Variants in LMX1A observed in about 807,000 individuals in gnomAD.
LMX1A encodes the protein LIM homeobox transcription factor 1 alpha.
In LMX1A, 15 loss-of-function variants were observed where a neutral mutation model predicts 49.1. That is an observed-to-expected ratio of 0.31 (90% CI 0.20 to 0.47). LMX1A has a LOEUF of 0.47. Ranked by LOEUF, LMX1A falls within the 20% of genes least tolerant of loss-of-function variation. LMX1A has a pLI of 1.00. For missense variants in LMX1A, 372 were observed against 475.8 expected, an observed-to-expected ratio of 0.78 and a Z score of 2.03; for synonymous variants, 167 against 185.7, an observed-to-expected ratio of 0.90 and a Z score of 0.82.
intron 3 of LMX1A, among the ~76,000 whole-genome samples, chr1:165,290,498 C>T (rs368814931): frequency 2.6e-5 from 4 of 151,936 alleles, no homozygotes; most frequent in Admixed American, 1.3e-4. Context: ...AAAACCCTTG[C>T]GATAGCATTT....
At chr1:165,206,388 T>C (rs1267104235) in intron 7 of LMX1A, among the ~76,000 whole-genome samples, 2 of 152,196 alleles carry the variant, frequency 1.3e-5, no homozygotes, top group African/African-American at 2.4e-5. Flanking sequence ...ATTGGGTTGA[T>C]GGGAAGATTC....
intron 4 of LMX1A, among the ~76,000 whole-genome samples, chr1:165,245,733 A>G (rs1341186238): frequency 6.6e-6 from 1 of 152,024 alleles, no homozygotes; most frequent in African/African-American, 2.4e-5. Flanking sequence ...ATTGCCCACT[A>G]TAACCCCATG....
intron 3 of LMX1A, among the ~76,000 whole-genome samples, chr1:165,315,615 T>C (rs1021829069): frequency 6.6e-6 from 1 of 152,276 alleles, no homozygotes; most frequent in African/African-American, 2.4e-5. Flanking sequence ...CTTGTCACCC[T>C]GACTCCTTGT....
At chr1:165,342,872 A>G (rs1164178981) in intron 3 of LMX1A, among the ~76,000 whole-genome samples, 1 of 151,882 alleles carries the variant, frequency 6.6e-6, no homozygotes, top group Non-Finnish European at 1.5e-5. Flanking sequence ...TTTAGTGGAA[A>G]GGCCATTGGA....
At chr1:165,321,953 A>C (rs1655399459) in intron 3 of LMX1A, among the ~76,000 whole-genome samples, 1 of 152,122 alleles carries the variant, frequency 6.6e-6, no homozygotes. Flanking sequence ...TAATATCCGG[A>C]ATATATAGAG....
At chr1:165,235,981 CT>C (rs1652420166) in intron 4 of LMX1A, among the ~76,000 whole-genome samples, 1 of 152,230 alleles carries the variant, frequency 6.6e-6, no homozygotes, top group Admixed American at 6.5e-5. Context: ...GCTTCAGGCA[CT>C]TTGCGCTCCA....
intron 3 of LMX1A, among the ~76,000 whole-genome samples, chr1:165,292,878 G>A (rs1654516035): frequency 1.3e-5 from 2 of 152,238 alleles, no homozygotes; most frequent in Non-Finnish European, 2.9e-5. Context: ...CAGCACTTTG[G>A]GAAGCTGAGG....
At chr1:165,321,345 T>C (rs1655379445) in intron 3 of LMX1A, among the ~76,000 whole-genome samples, 5 of 152,176 alleles carry the variant, frequency 3.3e-5, no homozygotes, top group Admixed American at 2.6e-4. Context: ...CACAACTCTG[T>C]GAACATACTA....
chr1:165,292,375 G>C (rs1654500657), intron 3 of LMX1A, among the ~76,000 whole-genome samples: 1 of 152,208 alleles, frequency 6.6e-6, no homozygotes, highest in South Asian at 2.1e-4. Context: ...ACAGGTAAAA[G>C]CTGGAAGCAA....
In LMX1A at chr1:165,355,010, G is replaced by C. The variant is rs563413521; in HGVS notation, c.76+474C>G. On this transcript the variant is annotated intron_variant, in intron 2 of 8. Coordinates refer to ENST00000342310, the MANE Select transcript of LMX1A (RefSeq NM_177398.4). The surrounding 1 kb of genome is among the most constrained non-coding windows in gnomAD (Gnocchi z 4.7). ...AATCCCCGCGCTGCGTTGCCTACTG[G>C]CCCAGAAAAGTCTCTCTCGGCCTTG... Among the ~76,000 whole-genome samples the C allele has an allele frequency of 3.7e-4, 56 of 152,194 alleles. No individual in the cohort carries two copies. Among genetic ancestry groups the C allele is most frequent in the African/African-American group, 1.3e-3 (54 of 41,550 alleles).
intron 4 of LMX1A, among the ~76,000 whole-genome samples, chr1:165,225,468 A>G (rs1652001917): frequency 6.6e-6 from 1 of 152,242 alleles, no homozygotes; most frequent in Non-Finnish European, 1.5e-5. Context: ...TGCTGACAGT[A>G]CCATCACAAA....
intron 3 of LMX1A, among the ~76,000 whole-genome samples, chr1:165,317,170 G>A (rs1655252530): frequency 6.6e-6 from 1 of 152,114 alleles, no homozygotes; most frequent in African/African-American, 2.4e-5. Context: ...TGAATTTGTG[G>A]AACCCACTCA....
intron 3 of LMX1A, among the ~76,000 whole-genome samples, chr1:165,325,663 G>A (rs1056941874): frequency 4.6e-5 from 7 of 152,024 alleles, no homozygotes; most frequent in Admixed American, 3.3e-4. Context: ...AAATATCACC[G>A]TGCCTCCCCC....
intron 4 of LMX1A, among the ~76,000 whole-genome samples, chr1:165,246,506 C>A (rs1652853622): frequency 6.6e-6 from 1 of 152,172 alleles, no homozygotes. Context: ...GGAGTGCTAT[C>A]TCTTGAGTAG....
intron 4 of LMX1A, among the ~76,000 whole-genome samples, chr1:165,215,266 A>G (rs1344458875): frequency 2.0e-5 from 3 of 152,202 alleles, no homozygotes; most frequent in Non-Finnish European, 4.4e-5. Flanking sequence ...GCAAGCCGAG[A>G]TCACGCCACT....
At chr1:165,286,557 G>A (rs1473172865) in intron 3 of LMX1A, among the ~76,000 whole-genome samples, 1 of 152,098 alleles carries the variant, frequency 6.6e-6, no homozygotes, top group East Asian at 1.9e-4. Context: ...CCCTGATTTG[G>A]TAAAAATAAA....
chr1:165,259,552 C>T (rs541686271), intron 3 of LMX1A, among the ~76,000 whole-genome samples: 3 of 152,324 alleles, frequency 2.0e-5, no homozygotes, highest in African/African-American at 4.8e-5. Context: ...CGTATTGAGA[C>T]ATCCCTATCC....
rs546536731 is a variant in LMX1A at position 165,307,876 on chromosome 1, C to T, written c.263+45200G>A. ...TAAATGAAAAACAGTTCCTGAACAA[C>T]AACACATTTTAAATTTTAACTTTAT... On this transcript the variant is annotated intron_variant, in intron 3 of 8. Transcript: ENST00000342310. Among the ~76,000 whole-genome samples, 5 of 152,322 alleles carry T rather than the reference C, an allele frequency of 3.3e-5. No individual in the cohort carries two copies. In the South Asian group the frequency reaches 1.0e-3, roughly 32 times the overall value.
At chr1:165,324,499 T>C (rs1190363487) in intron 3 of LMX1A, among the ~76,000 whole-genome samples, 1 of 152,128 alleles carries the variant, frequency 6.6e-6, no homozygotes, top group Non-Finnish European at 1.5e-5. Flanking sequence ...CCCAGAGCAA[T>C]CCTTGTGTCA....
Sources: gnomAD v4.1 joint callset for allele counts (sites outside exome capture counted in the v4.1 genomes callset) on GRCh38, gnomAD v4.1.1 for gene constraint, Gnocchi (gnomAD v3.1) non-coding constraint, MANE v1.5 for transcripts, NCBI Gene and HGNC (gene_info 2026-07-23, HGNC 2026-07-21) for gene names.